Variants in CLTRN observed in about 807,000 individuals in gnomAD.
CLTRN encodes collectrin.
In CLTRN, 12 loss-of-function variants were observed where a neutral mutation model predicts 14.5. That is an observed-to-expected ratio of 0.83 (90% CI 0.53 to 1.34). The LOEUF is 1.34. Ranked by LOEUF, CLTRN falls within the 40% of genes most tolerant of loss-of-function variation. CLTRN has a pLI of 0.00. For synonymous variants in CLTRN, 58 were observed against 56.5 expected (o/e 1.03, Z -0.12); for missense variants, 154 against 165.1 (o/e 0.93, Z 0.37).
At chrX:15,670,879 AGTGTGTGTGTGTGTGTGTGTGTGTGTGT>A (rs543420208) in intron 1 of CLTRN, among the ~76,000 whole-genome samples, 2,685 of 85,060 alleles carry the variant, frequency 0.032, 93 homozygotes, top group African/African-American at 0.11. Flanking sequence ...AAGGGAGACA[AGTGTGTGTGTGTGTGTGTGTGTGTGTGT>A]GTGTGTGTGT....
intron 2 of CLTRN, among the ~76,000 whole-genome samples, chrX:15,661,188 A>G (rs978386541): frequency 5.3e-5 from 6 of 112,483 alleles, no homozygotes; most frequent in African/African-American, 1.9e-4. Flanking sequence ...GACACAAGGA[A>G]TAAGCCTGCT....
chrX:15,672,940 G>C (rs189251048), intron 1 of CLTRN, among the ~76,000 whole-genome samples: 218 of 112,173 alleles, frequency 1.9e-3, no homozygotes, highest in African/African-American at 6.5e-3. Context: ...ATGCTACCCT[G>C]AATTAAACCA....
intron 5 of CLTRN, among the ~76,000 whole-genome samples, chrX:15,630,873 A>T (rs770717391): frequency 8.9e-6 from 1 of 111,942 alleles, no homozygotes; most frequent in Non-Finnish European, 1.9e-5. Context: ...GAGGATTAGA[A>T]CACTTTGGTT....
In CLTRN at chrX:15,635,641, T is replaced by C. The variant is rs193151336; in HGVS notation, c.512+3921A>G. ...AATACAAAAATCAACTCAAAATAGATTAAAGACTTAAACCTAAGACCTGAA... is the reference window on the plus strand; with the variant it reads ...AATACAAAAATCAACTCAAAATAGACTAAAGACTTAAACCTAAGACCTGAA... On this transcript the variant is annotated intron_variant, in intron 5 of 5. Transcript: ENST00000380342. 7.2e-4 allele frequency among the ~76,000 whole-genome samples: 80 copies of C among 111,220 alleles called. 1 individual carries two copies. The highest frequency in any genetic ancestry group is 2.4e-3 in the African/African-American group (72 of 30,588).
chrX:15,635,631 T>C (rs888421918), intron 5 of CLTRN, among the ~76,000 whole-genome samples: 3 of 111,007 alleles, frequency 2.7e-5, no homozygotes, highest in Admixed American at 9.6e-5. Flanking sequence ...AAAAATCAAC[T>C]CAAAATAGAT....
intron 2 of CLTRN, among the ~76,000 whole-genome samples, chrX:15,663,700 A>G (rs1183029203): frequency 1.8e-5 from 2 of 112,132 alleles, no homozygotes; most frequent in Non-Finnish European, 3.8e-5. Flanking sequence ...TCTTAACGTC[A>G]CCTTCTATTG....
At chrX:15,629,580 G>C (rs1428400102) in intron 5 of CLTRN, among the ~76,000 whole-genome samples, 1 of 110,700 alleles carries the variant, frequency 9.0e-6, no homozygotes, top group Non-Finnish European at 1.9e-5. Flanking sequence ...AGAAAGTGAA[G>C]AAAAGAGAAA....
chrX:15,652,877 T>A (rs1410151321), intron 3 of CLTRN, among the ~76,000 whole-genome samples: 1 of 110,370 alleles, frequency 9.1e-6, no homozygotes, highest in East Asian at 2.8e-4. Context: ...AGGTCAGGAG[T>A]TCGAGACAGC....
chrX:15,656,738 T>C (rs972530471), intron 3 of CLTRN, among the ~76,000 whole-genome samples: 4 of 111,221 alleles, frequency 3.6e-5, no homozygotes, highest in African/African-American at 6.5e-5. Context: ...GCAGTGCATG[T>C]GGAATCCAGG....
chrX:15,664,620 T>C, intron 1 of CLTRN, 98 bp downstream of exon 1: 1 of 855,423 alleles, frequency 1.2e-6, no homozygotes, highest in Non-Finnish European at 1.7e-6. Context: ...AGCCACAACA[T>C]GTCTGCAGAT....
chrX:15,655,296 C>T (rs974247117), intron 3 of CLTRN, among the ~76,000 whole-genome samples: 1 of 112,258 alleles, frequency 8.9e-6, no homozygotes, highest in Non-Finnish European at 1.9e-5. Flanking sequence ...CCTTGTGGTT[C>T]CCCCGCTTTG....
At chrX:15,673,329 T>C (rs1269061041) in intron 1 of CLTRN, among the ~76,000 whole-genome samples, 2 of 112,223 alleles carry the variant, frequency 1.8e-5, no homozygotes, top group Non-Finnish European at 3.8e-5. Flanking sequence ...CATACTTGAG[T>C]GTTAATCTTA....
At chrX:15,630,777 C>G (rs1374740281) in intron 5 of CLTRN, among the ~76,000 whole-genome samples, 7 of 111,906 alleles carry the variant, frequency 6.3e-5, no homozygotes, top group Non-Finnish European at 1.3e-4. Context: ...TCATGGCAAG[C>G]ATCAGCAATC....
chrX:15,674,842 T>C (rs145194974), intron 1 of CLTRN: 2 of 112,848 alleles, frequency 1.8e-5, no homozygotes, highest in African/African-American at 3.2e-5. Context: ...ACCTAACGCG[T>C]GACCAGAAGT....
At chrX:15,633,386 T>C (rs992578775) in intron 5 of CLTRN, among the ~76,000 whole-genome samples, 2 of 112,167 alleles carry the variant, frequency 1.8e-5, no homozygotes, top group African/African-American at 3.2e-5. Context: ...GATGAAGGAA[T>C]TGACACTCAA....
chrX:15,634,332 A>C (rs1213862466), intron 5 of CLTRN, among the ~76,000 whole-genome samples: 2 of 111,308 alleles, frequency 1.8e-5, no homozygotes, highest in Non-Finnish European at 1.9e-5. Context: ...TCCTTATGTG[A>C]CCTGCTCAAG....
chrX:15,662,868 G>A (rs779012847), intron 2 of CLTRN, among the ~76,000 whole-genome samples: 5 of 110,888 alleles, frequency 4.5e-5, no homozygotes, highest in Admixed American at 9.6e-5. Context: ...CCCTAACACA[G>A]CCCACATATT....
intron 3 of CLTRN, among the ~76,000 whole-genome samples, chrX:15,655,022 C>T (rs766209154): frequency 1.1e-4 from 12 of 112,260 alleles, no homozygotes; most frequent in African/African-American, 3.6e-4. Flanking sequence ...CTGTCACTTC[C>T]GGCTGCTAAG....
intron 2 of CLTRN, among the ~76,000 whole-genome samples, chrX:15,662,987 G>C (rs780320418): frequency 8.7e-4 from 97 of 111,200 alleles, no homozygotes; most frequent in Middle Eastern, 4.6e-3. Flanking sequence ...CTCTCACCAA[G>C]ATCCTTCCTG....
Sources: gnomAD v4.1 joint callset for allele counts (sites outside exome capture counted in the v4.1 genomes callset) on GRCh38, gnomAD v4.1.1 for gene constraint, MANE v1.5 for transcripts, NCBI Gene and HGNC (gene_info 2026-07-23, HGNC 2026-07-21) for gene names.